Variants in ADGRL2 observed in about 807,000 individuals in gnomAD.
The protein encoded by ADGRL2 is adhesion G protein-coupled receptor L2.
ADGRL2 carries 44 observed loss-of-function variants against 157.4 expected under a neutral mutation model. That is an observed-to-expected ratio of 0.28 (90% CI 0.22 to 0.36). ADGRL2 has a LOEUF of 0.36. Among genes scored for constraint, ADGRL2 ranks in the 10% least tolerant of loss-of-function variants. The pLI is 1.00. For synonymous variants in ADGRL2, 585 were observed against 624.7 expected, an observed-to-expected ratio of 0.94 and a Z score of 0.95; for missense variants, 1,510 against 1,768.9, an observed-to-expected ratio of 0.85 and a Z score of 2.63.
rs1326228260 is a variant in ADGRL2 at position 81,990,554 on chromosome 1, C to G, written c.3819C>G (p.Ile1273Met). 6.2e-7 allele frequency: 1 copy of G among 1,614,094 alleles called. No individual in the cohort carries two copies. The highest frequency in any genetic ancestry group is 1.1e-5 in the South Asian group (1 of 91,076). ...ATGATACTGCTTTTGAGAAAATGATCATTTCAGAATTAGTGCACAACAACT... is the reference window on the plus strand; with the variant it reads ...ATGATACTGCTTTTGAGAAAATGATGATTTCAGAATTAGTGCACAACAACT... ...SLNDTAFEKM[I>M]ISELVHNNLR... The change falls in exon 24 of 24, where the codon ATC (isoleucine) becomes ATG (methionine). Residue 1273 changes from isoleucine (I) to methionine (M), a missense_variant. Ile to Met is a conservative substitution (Grantham distance 10). Coordinates refer to ENST00000686636, the MANE Select transcript of ADGRL2 (RefSeq NM_001366006.2).
chr1:81,521,609 T>C (rs559670089), intron 2 of ADGRL2, among the ~76,000 whole-genome samples: 1 of 152,314 alleles, frequency 6.6e-6, no homozygotes, highest in African/African-American at 2.4e-5. Context: ...GCAGAGTCTG[T>C]AAGTGGTGGA....
intron 3 of ADGRL2, among the ~76,000 whole-genome samples, chr1:81,667,892 T>C (rs2082784882): frequency 6.6e-6 from 1 of 152,206 alleles, no homozygotes; most frequent in Non-Finnish European, 1.5e-5. Context: ...ATCTATGTGA[T>C]TTATGCACCT....
At chr1:81,502,035 G>T in intron 2 of ADGRL2, 1 of 1,603,346 alleles carries the variant, frequency 6.2e-7, no homozygotes, top group Non-Finnish European at 8.5e-7. Flanking sequence ...TTTGAACGGG[G>T]CAACATGAAC....
intron 1 of ADGRL2, among the ~76,000 whole-genome samples, chr1:81,426,269 T>TGA (rs2101583755): frequency 6.6e-6 from 1 of 152,216 alleles, no homozygotes; most frequent in East Asian, 1.9e-4. Flanking sequence ...ACCTGTCATA[T>TGA]GAGGGTCTTG....
At chr1:81,690,263 T>C (rs959298978) in intron 3 of ADGRL2, among the ~76,000 whole-genome samples, 2 of 152,098 alleles carry the variant, frequency 1.3e-5, no homozygotes, top group East Asian at 3.9e-4. Flanking sequence ...GAGGCCAAGG[T>C]GGGCACATCA....
At chr1:81,590,326 G>T (rs1158500948) in intron 3 of ADGRL2, among the ~76,000 whole-genome samples, 1 of 152,022 alleles carries the variant, frequency 6.6e-6, no homozygotes, top group Non-Finnish European at 1.5e-5. Context: ...CAATACCCTT[G>T]TTGGTGACTC....
chr1:81,799,273 G>A (rs2087751401), upstream of ADGRL2, among the ~76,000 whole-genome samples: 2 of 150,426 alleles, frequency 1.3e-5, no homozygotes, highest in Non-Finnish European at 3.0e-5. Context: ...TTTGAATTAT[G>A]TTATGTAAGA....
chr1:81,718,579 C>G (rs904036534), intron 1 of ADGRL2, among the ~76,000 whole-genome samples: 2 of 152,128 alleles, frequency 1.3e-5, no homozygotes, highest in Non-Finnish European at 2.9e-5. Flanking sequence ...ATTTTGCTGA[C>G]TTGGAAACCT....
At chr1:81,402,232 C>A (rs1195117997) in intron 1 of ADGRL2, among the ~76,000 whole-genome samples, 1 of 152,164 alleles carries the variant, frequency 6.6e-6, no homozygotes, top group African/African-American at 2.4e-5. Context: ...AGTGCTCTTA[C>A]AGACAAACAG....
At chr1:81,337,297 AAG>A (rs778768599) in intron 1 of ADGRL2, among the ~76,000 whole-genome samples, 8 of 152,148 alleles carry the variant, frequency 5.3e-5, no homozygotes, top group Admixed American at 1.3e-4. Context: ...ACAAAGCTAA[AAG>A]AGCGCACTGG....
intron 1 of ADGRL2, among the ~76,000 whole-genome samples, chr1:81,364,703 C>CTT (rs746793170): frequency 2.8e-5 from 4 of 144,352 alleles, no homozygotes; most frequent in Admixed American, 6.9e-5. Context: ...GTAATTAATT[C>CTT]TTTTTTTTTT....
chr1:81,960,458 A>C (rs1479863306), intron 11 of ADGRL2, among the ~76,000 whole-genome samples: 1 of 151,106 alleles, frequency 6.6e-6, no homozygotes, highest in South Asian at 2.1e-4. Context: ...ATTCCCTTTT[A>C]TTTATTGTCT....
chr1:81,948,229 AAAAC>A (rs1287226910), intron 6 of ADGRL2, among the ~76,000 whole-genome samples: 2 of 148,530 alleles, frequency 1.3e-5, no homozygotes, highest in Non-Finnish European at 3.0e-5. Context: ...AAAAAAAACA[AAAAC>A]AAAAAGGTGA....
intron 1 of ADGRL2, among the ~76,000 whole-genome samples, chr1:81,375,623 G>T (rs1051163367): frequency 6.6e-6 from 1 of 152,080 alleles, no homozygotes; most frequent in African/African-American, 2.4e-5. Flanking sequence ...ATTGGTTCTA[G>T]GATTAGGGAA....
chr1:81,903,762 A>G (rs1557879167), intron 2 of ADGRL2, among the ~76,000 whole-genome samples: 1 of 147,100 alleles, frequency 6.8e-6, no homozygotes, highest in Non-Finnish European at 1.5e-5. Context: ...TATACACATT[A>G]TATATACACA....
At chr1:81,910,595 G>A (rs1462352298) in intron 3 of ADGRL2, among the ~76,000 whole-genome samples, 3 of 148,728 alleles carry the variant, frequency 2.0e-5, no homozygotes, top group East Asian at 2.0e-4. Flanking sequence ...CATTTTTTCT[G>A]TATTAGATAC....
intron 1 of ADGRL2, among the ~76,000 whole-genome samples, chr1:81,374,826 A>T (rs554270917): frequency 6.6e-6 from 1 of 152,340 alleles, no homozygotes; most frequent in African/African-American, 2.4e-5. Context: ...TATTTCAAGC[A>T]TCTTCTAATT....
chr1:81,373,319 T>C (rs1160372890), intron 1 of ADGRL2, among the ~76,000 whole-genome samples: 1 of 152,200 alleles, frequency 6.6e-6, no homozygotes, highest in Non-Finnish European at 1.5e-5. Flanking sequence ...AGGATGAGCC[T>C]GGGGGCAAAA....
chr1:81,386,767 A>C (rs1314162781), intron 1 of ADGRL2, among the ~76,000 whole-genome samples: 1 of 152,166 alleles, frequency 6.6e-6, no homozygotes, highest in Non-Finnish European at 1.5e-5. Flanking sequence ...TATACTTTCA[A>C]ATTGCACCCT....
Sources: gnomAD v4.1 joint callset for allele counts (sites outside exome capture counted in the v4.1 genomes callset) on GRCh38, gnomAD v4.1.1 for gene constraint, MANE v1.5 for transcripts, NCBI Gene and HGNC (gene_info 2026-07-23, HGNC 2026-07-21) for gene names.